TG: variants seen among roughly 807,000 people sequenced by gnomAD.
TG encodes thyroglobulin, also known as thyroid hormones.
A neutral mutation model predicts 324.7 loss-of-function variants in TG; 270 were observed. The observed-to-expected ratio is 0.83, with a 90% CI of 0.75 to 0.92. The LOEUF (loss-of-function observed/expected upper bound fraction) is 0.92, where lower values mean the gene tolerates loss of function less well. TG is among the 40% of genes least tolerant of loss of function. The pLI is 0.00. For synonymous variants in TG, 1,401 were observed against 1,327.0 expected (o/e 1.06, Z -1.21); for missense variants, 3,591 against 3,456.4 (o/e 1.04, Z -0.98).
chr8:133,126,491 T>C (rs1298751144), intron 45 of TG, among the ~76,000 whole-genome samples: 1 of 149,972 alleles, frequency 6.7e-6, no homozygotes, highest in Non-Finnish European at 1.5e-5. Context: ...TTGAAAGTTT[T>C]GAGTCTACTG....
At chr8:133,077,735 A>ATGTGTGTGTGTG (rs34749093) in intron 41 of TG, among the ~76,000 whole-genome samples, 2 of 148,174 alleles carry the variant, frequency 1.3e-5, no homozygotes, top group African/African-American at 2.5e-5. Context: ...TCTGGTGTGT[A>ATGTGTGTGTGTG]TGTGTGTGTG....
intron 41 of TG, among the ~76,000 whole-genome samples, chr8:133,064,907 C>T (rs527559290): frequency 2.4e-4 from 36 of 152,086 alleles, no homozygotes; most frequent in East Asian, 3.9e-4. Flanking sequence ...TATCGTGCAC[C>T]GAAGGGGAGA....
At chr8:132,926,251 T>C (rs911133073) in intron 22 of TG, among the ~76,000 whole-genome samples, 1 of 152,240 alleles carries the variant, frequency 6.6e-6, no homozygotes, top group Non-Finnish European at 1.5e-5. Context: ...CTCTTGCCAC[T>C]TCCTTTGTTC....
intron 26 of TG, 152 bp from the exon 27 acceptor site, chr8:132,948,624 A>T (rs761298384): frequency 1.1e-6 from 1 of 941,966 alleles, no homozygotes; most frequent in African/African-American, 1.6e-5. Flanking sequence ...GATTGTCTCA[A>T]TTTAAAACCA....
At chr8:132,935,616 C>T in intron 24 of TG, 140 bp from the exon 25 acceptor site, 2 of 734,992 alleles carry the variant, frequency 2.7e-6, no homozygotes, top group Middle Eastern at 3.6e-4. Context: ...GCTTACACAT[C>T]TGTCTCCTCC....
chr8:133,050,349 A>C (rs1840167596), intron 41 of TG: 1 of 296,402 alleles, frequency 3.4e-6, no homozygotes, highest in South Asian at 4.7e-5. Context: ...TATCTGAATC[A>C]GTGAAGATCT....
At chr8:132,892,090 T>A (rs1237221494) in intron 10 of TG, among the ~76,000 whole-genome samples, 1 of 152,200 alleles carries the variant, frequency 6.6e-6, no homozygotes, top group Non-Finnish European at 1.5e-5. Context: ...AAGTGCATTA[T>A]CCCTGGTCGC....
At chr8:133,003,698 G>T (rs1242286846) in intron 35 of TG, among the ~76,000 whole-genome samples, 1 of 152,230 alleles carries the variant, frequency 6.6e-6, no homozygotes, top group Non-Finnish European at 1.5e-5. Flanking sequence ...AGAGACTGCA[G>T]CTGTGCTGCC....
At chr8:132,869,003 C>T (rs896199473) in intron 2 of TG, among the ~76,000 whole-genome samples, 9 of 152,190 alleles carry the variant, frequency 5.9e-5, no homozygotes, top group Admixed American at 1.3e-4. Flanking sequence ...TAACCTCCCA[C>T]GAGTGTGCAG....
intron 18 of TG, among the ~76,000 whole-genome samples, chr8:132,908,789 C>A (rs569942339): frequency 6.6e-6 from 1 of 152,002 alleles, no homozygotes; most frequent in East Asian, 1.9e-4. Flanking sequence ...TTGAGAGGGA[C>A]GCTGGTGAGA....
intron 21 of TG, among the ~76,000 whole-genome samples, chr8:132,920,127 A>G (rs1009037232): frequency 6.6e-6 from 1 of 152,212 alleles, no homozygotes; most frequent in Non-Finnish European, 1.5e-5. Flanking sequence ...TATGTAGCTC[A>G]TCTTCCTTCT....
intron 4 of TG, among the ~76,000 whole-genome samples, 200 bp downstream of exon 4, chr8:132,871,751 A>G (rs1839501187): frequency 2.0e-5 from 3 of 152,250 alleles, no homozygotes; most frequent in South Asian, 2.1e-4. Context: ...CTGGCTGATC[A>G]TTAGAAACAT....
chr8:132,952,563 G>A (rs183831867), intron 27 of TG, among the ~76,000 whole-genome samples: 3 of 152,240 alleles, frequency 2.0e-5, no homozygotes, highest in Non-Finnish European at 2.9e-5. Context: ...ATCAATTCAC[G>A]GGTACTATCA....
rs751986677 is a variant in TG, at chr8:132,909,536, A to T, written c.4002+1196A>T. Among the ~76,000 whole-genome samples the T allele has an allele frequency of 5.9e-5, 9 of 152,338 alleles. No homozygotes were observed. In the South Asian group the frequency reaches 1.7e-3, roughly 28 times the overall value. ...CTAATGACTTCCTAAACAAGGTGTC[A>T]GGGTATGACCATGAGACAGAGAGCT... On this transcript the variant is annotated intron_variant, in intron 18 of 47. Transcript: ENST00000220616.
chr8:133,118,438 C>G (rs573889509), intron 45 of TG, among the ~76,000 whole-genome samples: 4 of 151,774 alleles, frequency 2.6e-5, no homozygotes, highest in Non-Finnish European at 2.9e-5. Flanking sequence ...AATTCTCCCG[C>G]CTCAGCCTCC....
chr8:133,110,190 C>T (rs1347242727), intron 43 of TG, among the ~76,000 whole-genome samples: 2 of 152,190 alleles, frequency 1.3e-5, no homozygotes, highest in African/African-American at 2.4e-5. Context: ...ACTGAGTTCT[C>T]CCCACTTCCG....
At chr8:132,997,673 G>C (rs1833010736) in intron 35 of TG, among the ~76,000 whole-genome samples, 1 of 152,104 alleles carries the variant, frequency 6.6e-6, no homozygotes, top group South Asian at 2.1e-4. Flanking sequence ...AAATTTAGTG[G>C]AGTAAAGAGG....
At chr8:133,133,930 T>A (rs575860747) in intron 47 of TG, among the ~76,000 whole-genome samples, 16 of 152,232 alleles carry the variant, frequency 1.1e-4, no homozygotes, top group African/African-American at 3.1e-4. Flanking sequence ...GGGGGTAGAA[T>A]GCTGAACCAA....
chr8:132,898,914 A>T lies in TG; in HGVS notation c.3330+4A>T. 1 of 1,612,400 alleles carries T rather than the reference A, an allele frequency of 6.2e-7. No individual in the cohort carries two copies. Among genetic ancestry groups the T allele is most frequent in the Middle Eastern group, 1.6e-4 (1 of 6,062 alleles). ...GTTCGTCCCAGCCTGCCTAGAAGTA[A>T]GGGTCTGGAAGCACAGGATTGGAGC... On this transcript the variant is annotated splice_donor_region_variant and intron_variant, in intron 14 of 47. Coordinates refer to ENST00000220616, the MANE Select transcript of TG (RefSeq NM_003235.5).
Sources: gnomAD v4.1 joint callset for allele counts (sites outside exome capture counted in the v4.1 genomes callset) on GRCh38, gnomAD v4.1.1 for gene constraint, MANE v1.5 for transcripts, NCBI Gene and HGNC (gene_info 2026-07-23, HGNC 2026-07-21) for gene names.